Variants in LRRFIP1 observed in about 807,000 individuals in gnomAD.
The protein encoded by LRRFIP1 is leucine-rich repeat flightless-interacting protein 1.
Under a neutral mutation model 104.4 loss-of-function variants are expected in LRRFIP1, and 62 were observed. That is an observed-to-expected ratio of 0.59 (90% CI 0.48 to 0.73). The LOEUF (loss-of-function observed/expected upper bound fraction) is 0.73. LRRFIP1 is among the 30% of genes least tolerant of loss of function. The pLI is 0.00. For synonymous variants in LRRFIP1, 300 were observed against 299.0 expected, an observed-to-expected ratio of 1.00 and a Z score of -0.03; for missense variants, 796 against 824.5, an observed-to-expected ratio of 0.97 and a Z score of 0.42.
intron 1 of LRRFIP1, among the ~76,000 whole-genome samples, chr2:237,689,041 G>A (rs2092595226): frequency 6.8e-6 from 1 of 147,198 alleles, no homozygotes; most frequent in Admixed American, 6.7e-5. Flanking sequence ...AATTGACCTT[G>A]CTCTACGTTG....
chr2:237,774,274 C>A (rs1194406504), intron 22 of LRRFIP1, 84 bp from the exon 23 acceptor site: 1 of 782,490 alleles, frequency 1.3e-6, no homozygotes, highest in African/African-American at 1.8e-5. Flanking sequence ...TATTAAATCA[C>A]ACTCTTTGAT....
intron 11 of LRRFIP1, among the ~76,000 whole-genome samples, chr2:237,744,221 G>A (rs1028279232): frequency 6.6e-6 from 1 of 152,220 alleles, no homozygotes; most frequent in Non-Finnish European, 1.5e-5. Context: ...ATTTAAATGT[G>A]AAGGAAAATT....
At chr2:237,632,120 AG>A (rs143163987) in intron 1 of LRRFIP1, among the ~76,000 whole-genome samples, 21,729 of 148,480 alleles carry the variant, frequency 0.15, 1,946 homozygotes, top group East Asian at 0.25. Flanking sequence ...GTTGCGGAGA[AG>A]GGGTCGCACT....
chr2:237,696,694 G>C (rs2093206564), intron 1 of LRRFIP1, among the ~76,000 whole-genome samples: 2 of 152,194 alleles, frequency 1.3e-5, no homozygotes, highest in South Asian at 4.1e-4. Flanking sequence ...TTCAGACCCA[G>C]GCCTGCTGAC....
At chr2:237,739,669 A>G (rs2095356671) in intron 11 of LRRFIP1, among the ~76,000 whole-genome samples, 1 of 152,116 alleles carries the variant, frequency 6.6e-6, no homozygotes, top group African/African-American at 2.4e-5. Context: ...AGATCCCGGG[A>G]CGCTCCCAGT....
Position 237,627,655 on chromosome 2 carries a change from G to A in LRRFIP1, c.11G>A (p.Gly4Asp). 1 of 1,353,892 alleles carries A rather than the reference G, an allele frequency of 7.4e-7. No homozygotes were observed. The highest frequency in any genetic ancestry group is 1.6e-5 in the South Asian group (1 of 62,574). 83.9% of individuals were successfully genotyped at this position (1,353,892 alleles called of 1,614,324 possible). A position where few individuals can be genotyped will look rare whatever the true frequency, so the allele number is the denominator to read the frequency against. ...CGGGCGACGCGGTCGATGGACATGG[G>A]CACCCAGGGATCGGGGCGCAAGCGG... The part of the protein sequence containing the change: MDM[G>D]TQGSGRKRLP... Residue 4 changes from glycine to aspartate, a missense_variant, in exon 1 of 24, where the codon GGC (glycine) becomes GAC (aspartate). By Grantham distance (94) the Gly-to-Asp change is moderately conservative (BLOSUM62 -1). Coordinates refer to ENST00000308482, the MANE Select transcript of LRRFIP1 (RefSeq NM_001137550.2).
chr2:237,730,454 C>T (rs1382530586), intron 8 of LRRFIP1, among the ~76,000 whole-genome samples: 1 of 152,200 alleles, frequency 6.6e-6, no homozygotes, highest in Non-Finnish European at 1.5e-5. Flanking sequence ...GAAAATCAAG[C>T]AGGCCCTGGG....
intron 1 of LRRFIP1, among the ~76,000 whole-genome samples, chr2:237,681,625 C>T (rs2091826716): frequency 6.7e-6 from 1 of 149,848 alleles, no homozygotes; most frequent in South Asian, 2.1e-4. Context: ...CCTCAGCCTC[C>T]CAAAGTACTG....
intron 1 of LRRFIP1, among the ~76,000 whole-genome samples, chr2:237,631,739 C>A (rs1448951417): frequency 6.6e-6 from 1 of 152,242 alleles, no homozygotes; most frequent in Non-Finnish European, 1.5e-5. Context: ...TCTCACCATG[C>A]AATTCAAAGT....
chr2:237,764,593 T>C (rs2060141977), intron 19 of LRRFIP1: 3 of 996,458 alleles, frequency 3.0e-6, no homozygotes, highest in Non-Finnish European at 3.6e-6. Flanking sequence ...TGTACTTTCA[T>C]ATTTGATTTT....
At chr2:237,724,927 C>T (rs1349034162) in intron 7 of LRRFIP1, among the ~76,000 whole-genome samples, 2 of 152,058 alleles carry the variant, frequency 1.3e-5, no homozygotes, top group African/African-American at 2.4e-5. Context: ...TTTACATGTG[C>T]TCTGTCTTTT....
At chr2:237,746,419 C>T (rs2057863755) in intron 11 of LRRFIP1, among the ~76,000 whole-genome samples, 1 of 152,108 alleles carries the variant, frequency 6.6e-6, no homozygotes, top group Non-Finnish European at 1.5e-5. Context: ...AAGTTGAGAA[C>T]CACACTTGAA....
chr2:237,748,020 G>A (rs150396701), intron 11 of LRRFIP1, among the ~76,000 whole-genome samples: 4 of 152,230 alleles, frequency 2.6e-5, no homozygotes, highest in East Asian at 3.9e-4. Context: ...CTCTTGTCCC[G>A]AGACACCCTC....
intron 19 of LRRFIP1, chr2:237,763,721 G>A (rs2060085758): frequency 6.2e-7 from 1 of 1,614,208 alleles, no homozygotes; most frequent in East Asian, 2.2e-5. Flanking sequence ...AGCTGAGGAG[G>A]TACTAGCTGA....
At chr2:237,723,436 TTTG>T (rs1381754009) in intron 6 of LRRFIP1, 109 bp from the exon 7 acceptor site, 6 of 1,078,698 alleles carry the variant, frequency 5.6e-6, no homozygotes, top group African/African-American at 1.6e-5. Context: ...AAAATGCATT[TTTG>T]TTAAGATTTT....
At position 237,657,941 on chromosome 2, in the gene LRRFIP1, G is replaced by A. The variant is rs114531111; in HGVS notation, c.96+30201G>A. ...TATCAATACTTTTTTAAACCCCAAG[G>A]TTCAGAACGAGTGCAACCAAGAGAT... On this transcript the variant is annotated intron_variant, in intron 1 of 23. Transcript: ENST00000308482. Among the ~76,000 whole-genome samples, 238 of 152,260 alleles carry A rather than the reference G, an allele frequency of 1.6e-3. 1 individual carries two copies. The highest frequency in any genetic ancestry group is 5.4e-3 in the African/African-American group (226 of 41,552).
chr2:237,772,195 C>T lies in LRRFIP1; in HGVS notation c.1624C>T (p.Gln542Ter). ...GACAGACATGCATGTAATGGACCTA[C>T]AAAGTAAATGTCAATTCTTGTGTAG... is the stretch of plus-strand genomic sequence containing the variant. ...NGTDMHVMDL[Q>*]RDANRQISDL... The change falls in exon 21 of 24, where the codon CAA becomes TAA. Residue 542 changes from glutamine to a stop codon, truncating the protein, a stop_gained. Coordinates refer to ENST00000308482, the MANE Select transcript of LRRFIP1 (RefSeq NM_001137550.2). LOFTEE classifies it high-confidence loss of function. 1.2e-6 allele frequency: 2 copies of T among 1,606,032 alleles called. No homozygotes were observed. Among genetic ancestry groups the T allele is most frequent in the African/African-American group, 1.3e-5 (1 of 74,894 alleles).
intron 1 of LRRFIP1, among the ~76,000 whole-genome samples, chr2:237,666,944 CTT>C (rs376588844): frequency 1.4e-4 from 11 of 76,724 alleles, no homozygotes; most frequent in African/African-American, 4.4e-4. Context: ...TTCTTTCTTT[CTT>C]TTTCTTTCTT....
chr2:237,744,666 A>G (rs888133657), intron 11 of LRRFIP1, among the ~76,000 whole-genome samples: 2 of 152,274 alleles, frequency 1.3e-5, no homozygotes, highest in Admixed American at 6.5e-5. Context: ...TAGATTTTCA[A>G]TGATGTCTGT....
Sources: gnomAD v4.1 joint callset for allele counts (sites outside exome capture counted in the v4.1 genomes callset) on GRCh38, gnomAD v4.1.1 for gene constraint, MANE v1.5 for transcripts, NCBI Gene and HGNC (gene_info 2026-07-23, HGNC 2026-07-21) for gene names.